DSCAM: variants seen among roughly 807,000 people sequenced by gnomAD.
DSCAM encodes DS cell adhesion molecule, also known as cell adhesion molecule DSCAM.
A neutral mutation model predicts 217.7 loss-of-function variants in DSCAM; 47 were observed. That is an observed-to-expected ratio of 0.22 (90% CI 0.17 to 0.28). The LOEUF (loss-of-function observed/expected upper bound fraction) is 0.28. Ranked by LOEUF, DSCAM falls within the 10% of genes least tolerant of loss-of-function variation. The pLI, the probability that DSCAM is intolerant of heterozygous loss-of-function variation, is 1.00. For synonymous variants in DSCAM, 1,056 were observed against 1,015.3 expected (o/e 1.04, Z -0.76); for missense variants, 2,080 against 2,618.3 (o/e 0.79, Z 4.49).
chr21:40,678,177 T>A (rs2090361650), intron 3 of DSCAM, among the ~76,000 whole-genome samples: 1 of 152,230 alleles, frequency 6.6e-6, no homozygotes, highest in Non-Finnish European at 1.5e-5. Flanking sequence ...TCCTTCAGTA[T>A]AATAAGCCTA....
At chr21:40,248,538 C>A (rs570678294) in intron 11 of DSCAM, among the ~76,000 whole-genome samples, 4 of 152,318 alleles carry the variant, frequency 2.6e-5, no homozygotes, top group Non-Finnish European at 4.4e-5. Context: ...CAGTTCCCAA[C>A]AAGTTCCTCA....
chr21:40,183,933 C>T (rs1056092877), intron 14 of DSCAM, among the ~76,000 whole-genome samples: 5 of 152,148 alleles, frequency 3.3e-5, no homozygotes, highest in African/African-American at 7.2e-5. Context: ...TTATGAGTCT[C>T]GTATACATGT....
rs181270822 is a variant in DSCAM at position 40,116,424 on chromosome 21, G to T, written c.3696+7771C>A. Among the ~76,000 whole-genome samples the T allele has an allele frequency of 4.1e-3, 630 of 152,190 alleles. 19 individuals carry two copies. The highest frequency in any genetic ancestry group is 0.038 in the Admixed American group (588 of 15,278). ...CAAGAAATTTTATAAAACCAGAATT[G>T]ATTTTCACATGTCTGGGATATTTAG... On this transcript the variant is annotated intron_variant, in intron 20 of 32. Transcript: ENST00000400454.
chr21:40,359,591 T>C (rs763227689), intron 4 of DSCAM, among the ~76,000 whole-genome samples: 15 of 152,202 alleles, frequency 9.9e-5, no homozygotes, highest in South Asian at 2.1e-4. Context: ...ATTTAGTGAA[T>C]TGATAACCAA....
At chr21:40,312,632 A>G (rs563908077) in intron 8 of DSCAM, among the ~76,000 whole-genome samples, 88 of 152,214 alleles carry the variant, frequency 5.8e-4, no homozygotes, top group Non-Finnish European at 4.1e-4. Flanking sequence ...ATTTCAGACT[A>G]TATCTGTAGT....
chr21:40,557,144 T>C (rs1386098345), intron 3 of DSCAM, among the ~76,000 whole-genome samples: 3 of 152,100 alleles, frequency 2.0e-5, no homozygotes, highest in Non-Finnish European at 4.4e-5. Context: ...TGGATGTGGT[T>C]TGTCCCTGCC....
intron 11 of DSCAM, among the ~76,000 whole-genome samples, chr21:40,229,874 T>C (rs1292965879): frequency 1.3e-5 from 2 of 152,200 alleles, no homozygotes; most frequent in Non-Finnish European, 2.9e-5. Flanking sequence ...AGGTGTACAA[T>C]TGCTGGATCC....
chr21:40,661,169 A>T (rs560922897), intron 3 of DSCAM, among the ~76,000 whole-genome samples: 1 of 152,232 alleles, frequency 6.6e-6, no homozygotes, highest in African/African-American at 2.4e-5. Flanking sequence ...AGCATGCACG[A>T]TATCATTTAT....
At chr21:40,600,572 G>A (rs922436610) in intron 3 of DSCAM, among the ~76,000 whole-genome samples, 7 of 152,146 alleles carry the variant, frequency 4.6e-5, no homozygotes, top group Middle Eastern at 3.4e-3. Flanking sequence ...ATACTTTTGC[G>A]GTTGTATCTA....
chr21:40,113,372 C>A (rs1158624133), intron 20 of DSCAM, among the ~76,000 whole-genome samples: 1 of 152,068 alleles, frequency 6.6e-6, no homozygotes, highest in Non-Finnish European at 1.5e-5. Context: ...ACCCTTCATG[C>A]TAAAAACTCT....
At chr21:40,038,996 A>T (rs2088686801) in intron 32 of DSCAM, among the ~76,000 whole-genome samples, 1 of 124,810 alleles carries the variant, frequency 8.0e-6, no homozygotes, top group South Asian at 2.7e-4. Flanking sequence ...GAAGGGGAAC[A>T]TCACACTCTG....
chr21:40,615,086 C>T (rs1023389849), intron 3 of DSCAM, among the ~76,000 whole-genome samples: 3 of 151,480 alleles, frequency 2.0e-5, no homozygotes. Context: ...GGCAGATCAC[C>T]TAAGGTCAGA....
intron 3 of DSCAM, among the ~76,000 whole-genome samples, chr21:40,411,206 A>G (rs2075320593): frequency 6.6e-6 from 1 of 151,490 alleles, no homozygotes; most frequent in Non-Finnish European, 1.5e-5. Context: ...ACACACACAC[A>G]CACACACACA....
chr21:40,141,248 T>A (rs147600277), intron 18 of DSCAM, among the ~76,000 whole-genome samples: 1,908 of 152,224 alleles, frequency 0.013, 18 homozygotes, highest in Non-Finnish European at 0.016. Flanking sequence ...AGGGAAGGGA[T>A]AGGTCCTTGA....
Position 40,042,427 on chromosome 21 carries a change from T to C in DSCAM, c.5630A>G (p.Lys1877Arg). The C allele has an allele frequency of 6.2e-7, 1 of 1,614,164 alleles. No individual in the cohort carries two copies. The highest frequency in any genetic ancestry group is 1.3e-5 in the African/African-American group (1 of 75,038). The change falls in exon 32 of 33, where the codon AAA becomes AGA. Residue 1877 changes from lysine to arginine, a missense_variant. Around this residue, in one of 5 missense-constraint regions of DSCAM, gnomAD observed 1,144 missense variants for 1,421.1 expected, o/e 0.81. Coordinates refer to ENST00000400454, the MANE Select transcript of DSCAM (RefSeq NM_001389.5). ...CATTACTCTTCCTCCATCCTGAGGT[T>C]TGGGGGGAGATGCAGTGAACCTGCA... The part of the protein sequence containing the change: ...GICRFTASPP[K>R]PQDGGRVMNM...
At chr21:40,505,234 G>T (rs1246734274) in intron 3 of DSCAM, among the ~76,000 whole-genome samples, 1 of 152,186 alleles carries the variant, frequency 6.6e-6, no homozygotes, top group Non-Finnish European at 1.5e-5. Context: ...ACAGGCAGCT[G>T]GGTTCAAAAA....
At chr21:40,791,165 A>G (rs919252017) in intron 1 of DSCAM, among the ~76,000 whole-genome samples, 3 of 151,938 alleles carry the variant, frequency 2.0e-5, no homozygotes, top group Admixed American at 6.6e-5. Context: ...TCAAAAAAAA[A>G]AAAAGAAAAG....
intron 3 of DSCAM, among the ~76,000 whole-genome samples, chr21:40,496,947 C>T (rs1040392450): frequency 6.6e-6 from 1 of 152,060 alleles, no homozygotes; most frequent in African/African-American, 2.4e-5. Context: ...TGAGATGTCA[C>T]CTCACACTTA....
At chr21:40,491,986 T>C (rs768893064) in intron 3 of DSCAM, among the ~76,000 whole-genome samples, 9 of 152,354 alleles carry the variant, frequency 5.9e-5, no homozygotes, top group Middle Eastern at 3.4e-3. Flanking sequence ...TTTGATGTAG[T>C]ACCCTTCTTC....
Sources: allele counts gnomAD v4.1 joint callset (sites outside exome capture counted in the v4.1 genomes callset), GRCh38; gene constraint gnomAD v4.1.1; regional missense constraint gnomAD v4.1.1; transcripts MANE v1.5; gene names NCBI Gene and HGNC (gene_info 2026-07-23, HGNC 2026-07-21).